The following CAPZB variants were observed in gnomAD, a reference collection of about 807,000 sequenced individuals.
The protein encoded by CAPZB is F-actin-capping protein subunit beta.
A neutral mutation model predicts 38.1 loss-of-function variants in CAPZB; 2 were observed. The ratio of observed to expected loss-of-function variants is 0.05; its 90% CI spans 0.02 to 0.17. CAPZB has a LOEUF of 0.17. Ranked by LOEUF, CAPZB falls within the 10% of genes least tolerant of loss-of-function variation. CAPZB has a pLI of 1.00. For missense variants in CAPZB, 161 were observed against 334.2 expected, an observed-to-expected ratio of 0.48 and a Z score of 4.04; for synonymous variants, 107 against 127.4, an observed-to-expected ratio of 0.84 and a Z score of 1.08.
At chr1:19,396,527 A>G (rs115992501) in intron 2 of CAPZB, among the ~76,000 whole-genome samples, 2,543 of 152,268 alleles carry the variant, frequency 0.017, 66 homozygotes, top group African/African-American at 0.057. Context: ...TACCCTACAC[A>G]GGCTCCTCCT....
chr1:19,474,717 A>G (rs983024298), intron 1 of CAPZB, among the ~76,000 whole-genome samples: 2 of 152,098 alleles, frequency 1.3e-5, no homozygotes, highest in Non-Finnish European at 2.9e-5. Context: ...TGGACCAGAA[A>G]ATAAACACAG....
intron 1 of CAPZB, among the ~76,000 whole-genome samples, chr1:19,458,747 A>T (rs1472331480): frequency 1.3e-5 from 2 of 152,246 alleles, no homozygotes; most frequent in Non-Finnish European, 2.9e-5. Flanking sequence ...AGATCTGTAA[A>T]CACATGTGAC....
At chr1:19,418,182 A>G (rs1175637526) in intron 2 of CAPZB, among the ~76,000 whole-genome samples, 1 of 150,758 alleles carries the variant, frequency 6.6e-6, no homozygotes, top group Non-Finnish European at 1.5e-5. Context: ...CACACAAACA[A>G]ACCAGGAAAT....
intron 2 of CAPZB, among the ~76,000 whole-genome samples, chr1:19,400,600 CT>C (rs1255462019): frequency 3.3e-5 from 5 of 152,176 alleles, no homozygotes; most frequent in African/African-American, 1.2e-4. Context: ...CTCCAATTCA[CT>C]TTTACGTCTC....
At chr1:19,457,115 C>T (rs781549018) in intron 1 of CAPZB, among the ~76,000 whole-genome samples, 3 of 152,124 alleles carry the variant, frequency 2.0e-5, no homozygotes, top group Non-Finnish European at 4.4e-5. Flanking sequence ...TAAAGCACAG[C>T]GGGAAAAGCG....
At chr1:19,426,549 A>C (rs1311363153) in intron 1 of CAPZB, among the ~76,000 whole-genome samples, 1 of 152,096 alleles carries the variant, frequency 6.6e-6, no homozygotes, top group African/African-American at 2.4e-5. Context: ...AGCCCACAAG[A>C]GACAACGCGG....
intron 1 of CAPZB, among the ~76,000 whole-genome samples, chr1:19,456,287 G>A (rs2094532875): frequency 6.6e-6 from 1 of 152,178 alleles, no homozygotes; most frequent in South Asian, 2.1e-4. Flanking sequence ...AGAGAAGCAA[G>A]AGCTTTGAGA....
chr1:19,340,347 G>A (rs1219716126), intron 8 of CAPZB, among the ~76,000 whole-genome samples: 1 of 152,246 alleles, frequency 6.6e-6, no homozygotes, highest in African/African-American at 2.4e-5. Flanking sequence ...ACAGCCAAGT[G>A]CCCCTGGGAT....
chr1:19,352,696 T>C (rs1210303911), intron 6 of CAPZB, among the ~76,000 whole-genome samples: 3 of 152,228 alleles, frequency 2.0e-5, no homozygotes, highest in South Asian at 2.1e-4. Flanking sequence ...TCACCTTCAC[T>C]CCGACAGCCT....
At chr1:19,485,186 G>A (rs986484392) in intron 1 of CAPZB, among the ~76,000 whole-genome samples, 1 of 152,158 alleles carries the variant, frequency 6.6e-6, no homozygotes, top group African/African-American at 2.4e-5. Flanking sequence ...TGAACACAGA[G>A]GTAGTGAGTG....
chr1:19,368,348 A>G (rs956752327), intron 4 of CAPZB, among the ~76,000 whole-genome samples: 1 of 152,122 alleles, frequency 6.6e-6, no homozygotes, highest in Non-Finnish European at 1.5e-5. Flanking sequence ...GCTGCCCCAA[A>G]GAGGAGAAAG....
At chr1:19,371,792 G>A (rs1187770366) in intron 4 of CAPZB, among the ~76,000 whole-genome samples, 4 of 152,244 alleles carry the variant, frequency 2.6e-5, no homozygotes, top group Non-Finnish European at 5.9e-5. Flanking sequence ...AGGGGTCTGG[G>A]GCTGGGAACC....
chr1:19,400,212 C>A (rs576202605), intron 2 of CAPZB, among the ~76,000 whole-genome samples: 2 of 152,046 alleles, frequency 1.3e-5, no homozygotes, highest in Non-Finnish European at 2.9e-5. Flanking sequence ...TTCCCGCTAC[C>A]CATGGCACAG....
intron 1 of CAPZB, among the ~76,000 whole-genome samples, chr1:19,426,990 G>A (rs1475395013): frequency 2.0e-5 from 3 of 152,136 alleles, no homozygotes; most frequent in Admixed American, 2.0e-4. Flanking sequence ...GAGAGGAGGA[G>A]AGCCAAAGAC....
At chr1:19,435,151 C>A (rs1233596222) in intron 1 of CAPZB, among the ~76,000 whole-genome samples, 2 of 152,046 alleles carry the variant, frequency 1.3e-5, no homozygotes, top group Non-Finnish European at 2.9e-5. Flanking sequence ...CTTTTTGGTT[C>A]TTTTGGGTAA....
At chr1:19,469,785 C>CAT (rs59891920) in intron 1 of CAPZB, among the ~76,000 whole-genome samples, 5 of 151,186 alleles carry the variant, frequency 3.3e-5, no homozygotes, top group South Asian at 2.1e-4. Flanking sequence ...CACACACACA[C>CAT]GCCCGCCCAC....
chr1:19,373,552 C>G (rs2094129973), intron 4 of CAPZB, among the ~76,000 whole-genome samples: 2 of 152,160 alleles, frequency 1.3e-5, no homozygotes, highest in Non-Finnish European at 2.9e-5. Flanking sequence ...CAGAGGGAGC[C>G]TCTGGGGAGA....
chr1:19,345,876 C>T (rs76451394), intron 6 of CAPZB, among the ~76,000 whole-genome samples: 6,590 of 152,240 alleles, frequency 0.043, 208 homozygotes, highest in South Asian at 0.1. Context: ...TTCTACTCTG[C>T]GAGGAGAGTT....
chr1:19,438,885 G>A (rs1023565802), intron 1 of CAPZB, among the ~76,000 whole-genome samples: 1 of 152,126 alleles, frequency 6.6e-6, no homozygotes, highest in Non-Finnish European at 1.5e-5. Flanking sequence ...CCTTTCTCCT[G>A]GTTTCCCTTC....
Sources: allele counts gnomAD v4.1 joint callset (sites outside exome capture counted in the v4.1 genomes callset), GRCh38; gene constraint gnomAD v4.1.1; transcripts MANE v1.5; gene names NCBI Gene and HGNC (gene_info 2026-07-23, HGNC 2026-07-21).